Variants in ANKRD6 observed in about 807,000 individuals in gnomAD.
The protein encoded by ANKRD6 is ankyrin repeat domain-containing protein 6.
A neutral mutation model predicts 82.3 loss-of-function variants in ANKRD6; 56 were observed. The observed-to-expected ratio is 0.68, with a 90% CI of 0.55 to 0.85. The LOEUF (loss-of-function observed/expected upper bound fraction) is 0.85. Ranked by LOEUF, ANKRD6 falls within the 40% of genes least tolerant of loss-of-function variation. The probability of loss-of-function intolerance (pLI) is 0.00; values close to 1 mark genes in which losing one functional copy is unlikely to be tolerated. For synonymous variants in ANKRD6, 347 were observed against 352.1 expected (o/e 0.99, Z 0.16); for missense variants, 852 against 907.6 (o/e 0.94, Z 0.79).
chr6:89,483,843 A>G (rs1777063712), intron 1 of ANKRD6, among the ~76,000 whole-genome samples: 1 of 152,192 alleles, frequency 6.6e-6, no homozygotes, highest in South Asian at 2.1e-4. Context: ...ATTTTACCTG[A>G]TATTTCTGAA....
intron 1 of ANKRD6, among the ~76,000 whole-genome samples, chr6:89,439,282 A>G (rs914370855): frequency 2.6e-5 from 4 of 152,226 alleles, no homozygotes; most frequent in Non-Finnish European, 5.9e-5. Context: ...TGTTATCATA[A>G]GAGTTTAAAA....
chr6:89,512,095 T>C (rs1780619582), intron 1 of ANKRD6, among the ~76,000 whole-genome samples: 1 of 152,068 alleles, frequency 6.6e-6, no homozygotes, highest in Non-Finnish European at 1.5e-5. Context: ...ATGCTCCTGA[T>C]TGTGGGGTTA....
intron 14 of ANKRD6, 145 bp from the exon 15 acceptor site, chr6:89,628,967 A>T: frequency 1.2e-6 from 1 of 844,784 alleles, no homozygotes; most frequent in Non-Finnish European, 1.8e-6. Flanking sequence ...GCAGTGGGCA[A>T]GCCATAACTT....
intron 2 of ANKRD6, among the ~76,000 whole-genome samples, chr6:89,574,803 C>G (rs1423143115): frequency 6.6e-6 from 1 of 152,144 alleles, no homozygotes; most frequent in African/African-American, 2.4e-5. Flanking sequence ...AGTCCTTGCT[C>G]CCACAGGAGG....
intron 1 of ANKRD6, among the ~76,000 whole-genome samples, chr6:89,456,345 A>T (rs932537997): frequency 6.6e-6 from 1 of 152,200 alleles, no homozygotes; most frequent in African/African-American, 2.4e-5. Flanking sequence ...AAAGTACTAT[A>T]GACTGGGTGA....
intron 2 of ANKRD6, among the ~76,000 whole-genome samples, chr6:89,572,368 C>G (rs1790113749): frequency 1.3e-5 from 2 of 152,178 alleles, no homozygotes; most frequent in African/African-American, 4.8e-5. Flanking sequence ...TTCCCATCAG[C>G]AATGAATGAG....
At position 89,630,582 on chromosome 6, in the gene ANKRD6, C is replaced by A; in HGVS notation, c.1762C>A (p.Leu588Met). 6.2e-7 allele frequency: 1 copy of A among 1,613,934 alleles called. No individual in the cohort carries two copies. The highest frequency in any genetic ancestry group is 8.5e-7 in the Non-Finnish European group (1 of 1,179,828). Residue 588 changes from leucine to methionine, a missense_variant, in exon 16 of 16, where the codon CTG becomes ATG. Coordinates refer to ENST00000339746, the MANE Select transcript of ANKRD6 (RefSeq NM_001242809.2). The stretch of plus-strand genomic sequence containing the variant: ...GTCTTCTGACTGTACAGGCTCCCGA[C>A]TGAGAAACGTCAAGGTCCAGACAGC... ...LSSSDCTGSR[L>M]RNVKVQTALL...
chr6:89,446,590 T>C (rs1419110896), intron 1 of ANKRD6, among the ~76,000 whole-genome samples: 1 of 151,872 alleles, frequency 6.6e-6, no homozygotes, highest in African/African-American at 2.4e-5. Context: ...AAATTAAAAG[T>C]GCTACTCTAG....
intron 1 of ANKRD6, among the ~76,000 whole-genome samples, chr6:89,549,566 A>G (rs1448814973): frequency 6.6e-6 from 1 of 152,244 alleles, no homozygotes. Flanking sequence ...TAGCAGCACA[A>G]AATGGACTGA....
intron 15 of ANKRD6, among the ~76,000 whole-genome samples, chr6:89,629,934 G>C (rs535826174): frequency 6.6e-6 from 1 of 152,190 alleles, no homozygotes; most frequent in East Asian, 1.9e-4. Context: ...AGGGCTTGTC[G>C]TGGAGCTCTG....
rs575690036 is a variant in ANKRD6, at chr6:89,588,708, A to G, written c.121-7208A>G. 5.9e-5 allele frequency among the ~76,000 whole-genome samples: 9 copies of G among 152,228 alleles called. No homozygotes were observed. In the East Asian group the frequency reaches 7.7e-4, roughly 13 times the overall value. On this transcript the variant is annotated intron_variant, in intron 2 of 15. Transcript: ENST00000339746. ...CCCAGGTCTCCTTTTGACTCTGGTC[A>G]TAAGAATATCATTGAGACCAGGCAC...
chr6:89,499,336 A>G (rs889160814), intron 1 of ANKRD6, among the ~76,000 whole-genome samples: 2 of 152,174 alleles, frequency 1.3e-5, no homozygotes, highest in Non-Finnish European at 2.9e-5. Context: ...AGAAGCCTCT[A>G]TTTTGTGAGG....
In ANKRD6 at chr6:89,632,540, G is replaced by A. The variant is rs9362668; in HGVS notation, c.*1536G>A. On this transcript the variant is annotated 3_prime_UTR_variant, in exon 16 of 16. Coordinates refer to ENST00000339746, the MANE Select transcript of ANKRD6 (RefSeq NM_001242809.2). ...CTCGTGATCCTCCTGCCTCAACCTC[G>A]CAAGTAGCTTGGGACTACAGGCGTG... is the stretch of plus-strand genomic sequence containing the variant. 6 of 152,056 alleles carry A rather than the reference G, an allele frequency of 3.9e-5. No homozygotes were observed. The highest frequency in any genetic ancestry group is 2.0e-4 in the Admixed American group (3 of 15,264). The allele number at this position is 152,056 out of a possible 1,614,324, so 9.4% of individuals were successfully genotyped here.
At chr6:89,527,081 T>C (rs1413811611) in intron 1 of ANKRD6, among the ~76,000 whole-genome samples, 1 of 152,206 alleles carries the variant, frequency 6.6e-6, no homozygotes, top group Non-Finnish European at 1.5e-5. Context: ...CTTACCCCAG[T>C]TGAGTTCACA....
chr6:89,495,080 A>G (rs2127856805), intron 1 of ANKRD6, among the ~76,000 whole-genome samples: 1 of 152,216 alleles, frequency 6.6e-6, no homozygotes, highest in African/African-American at 2.4e-5. Context: ...TAAAAATACA[A>G]AAAATTAGCC....
intron 3 of ANKRD6, chr6:89,602,771 C>G: frequency 2.2e-6 from 1 of 464,464 alleles, no homozygotes; most frequent in Non-Finnish European, 3.9e-6. Context: ...GAGGTTGGCT[C>G]TGTGGCCGAG....
intron 1 of ANKRD6, among the ~76,000 whole-genome samples, chr6:89,449,837 T>G (rs1772593863): frequency 6.6e-6 from 1 of 152,204 alleles, no homozygotes; most frequent in South Asian, 2.1e-4. Flanking sequence ...TTAACATATT[T>G]GGAGATATTT....
chr6:89,537,879 C>CAAAAAAA (rs55864526), intron 1 of ANKRD6, among the ~76,000 whole-genome samples: 49 of 110,702 alleles, frequency 4.4e-4, no homozygotes, highest in African/African-American at 1.3e-3. Context: ...GACAATGTCT[C>CAAAAAAA]AAAAAAAAAA....
At chr6:89,568,932 ATTT>A (rs58909289) in intron 2 of ANKRD6, among the ~76,000 whole-genome samples, 89 of 142,030 alleles carry the variant, frequency 6.3e-4, no homozygotes, top group South Asian at 1.8e-3. Flanking sequence ...TATATATATA[ATTT>A]TTTTTTTTTT....
Sources: allele counts gnomAD v4.1 joint callset (sites outside exome capture counted in the v4.1 genomes callset), GRCh38; gene constraint gnomAD v4.1.1; transcripts MANE v1.5; gene names NCBI Gene and HGNC (gene_info 2026-07-23, HGNC 2026-07-21).